The following BRWD3 variants were observed in gnomAD, a reference collection of about 807,000 sequenced individuals.
The protein encoded by BRWD3 is bromodomain and WD repeat-containing protein 3.
Under a neutral mutation model 149.7 loss-of-function variants are expected in BRWD3, and 10 were observed. That is an observed-to-expected ratio of 0.07 (90% CI 0.04 to 0.11). The LOEUF (loss-of-function observed/expected upper bound fraction) is 0.11. Ranked by LOEUF, BRWD3 falls within the 10% of genes least tolerant of loss-of-function variation. The probability of loss-of-function intolerance (pLI) is 1.00; values close to 1 mark genes in which losing one functional copy is unlikely to be tolerated. For synonymous variants in BRWD3, 504 were observed against 456.7 expected, an observed-to-expected ratio of 1.10 and a Z score of -1.32; for missense variants, 940 against 1,373.2, an observed-to-expected ratio of 0.68 and a Z score of 4.99.
rs1311060002 is a variant in BRWD3, at chrX:80,671,096, G to A, written c.*5513C>T. ...GAATTAAAGCACCATTTACAATGTA[G>A]GTAATCTTACTATACATTTTAAAAT... is the stretch of plus-strand genomic sequence containing the variant. On this transcript the variant is annotated 3_prime_UTR_variant, in exon 41 of 41. Transcript: ENST00000373275. 2.7e-5 allele frequency: 3 copies of A among 111,016 alleles called. No homozygotes were observed. Among genetic ancestry groups the A allele is most frequent in the Non-Finnish European group, 3.8e-5 (2 of 53,014 alleles). The allele number at this position is 111,016 out of a possible 1,213,427, so 9.1% of individuals were successfully genotyped here. A position where few individuals can be genotyped will look rare whatever the true frequency, so the allele number is the denominator to read the frequency against.
chrX:80,772,139 A>C (rs1384627319), intron 6 of BRWD3, among the ~76,000 whole-genome samples: 2 of 112,132 alleles, frequency 1.8e-5, no homozygotes, highest in African/African-American at 6.5e-5. Context: ...AAGGATTATA[A>C]ATCATGCTAC....
intron 9 of BRWD3, among the ~76,000 whole-genome samples, chrX:80,735,468 T>C (rs2073389841): frequency 1.8e-5 from 2 of 111,543 alleles, no homozygotes; most frequent in Admixed American, 1.9e-4. Flanking sequence ...AAGTAAGAAA[T>C]GAAACAAATA....
Position 80,793,656 on chromosome X carries a change from A to C in BRWD3, c.297T>G (p.Gly99=). Residue 99 remains glycine, a synonymous_variant, in exon 5 of 41, where the codon GGT becomes GGG. Coordinates refer to ENST00000373275, the MANE Select transcript of BRWD3 (RefSeq NM_153252.5). ...CCCGTAGCAGAGACTGCCGACCAAC[A>C]CCTAATAATGTCTGTACCCCAGGAA... is the stretch of plus-strand genomic sequence containing the variant. ...QSVPGVQTLL[G]VGRQSLLRDA... 2 of 1,210,006 alleles carry C rather than the reference A, an allele frequency of 1.7e-6. No homozygotes were observed. Among genetic ancestry groups the C allele is most frequent in the Non-Finnish European group, 2.2e-6 (2 of 894,515 alleles).
At chrX:80,710,327 A>T in intron 20 of BRWD3, 1 of 335,454 alleles carries the variant, frequency 3.0e-6, no homozygotes, top group South Asian at 3.4e-5. Context: ...TGCTGGTTAT[A>T]ATGATATGGG....
chrX:80,760,215 C>A (rs1602403230), intron 6 of BRWD3, among the ~76,000 whole-genome samples: 1 of 111,460 alleles, frequency 9.0e-6, no homozygotes, highest in African/African-American at 3.3e-5. Flanking sequence ...CACCTGCTAT[C>A]CATCATATTT....
chrX:80,741,439 T>G (rs763723219), intron 8 of BRWD3, among the ~76,000 whole-genome samples: 2 of 112,044 alleles, frequency 1.8e-5, no homozygotes, highest in East Asian at 2.8e-4. Context: ...ATGGGATGGC[T>G]GGGTCAAATG....
Position 80,692,989 on chromosome X carries a change from G to T in BRWD3, c.3214C>A (p.Pro1072Thr). ...CTATCAGGATACTCTGGTTGAAAAG[G>T]CTGCTGACTCTCCACAGTCCCAAAC... ...WWFGTVESQQ[P>T]FQPEYPDSSF... Residue 1072 changes from proline to threonine, a missense_variant, in exon 28 of 41, where the codon CCT (proline) becomes ACT (threonine). Pro to Thr is a conservative substitution (Grantham distance 38, BLOSUM62 -1). Around this residue, in one of 6 missense-constraint regions of BRWD3, gnomAD observed 158 missense variants for 284.0 expected, o/e 0.56. Transcript: ENST00000373275. 1 of 1,211,133 alleles carries T rather than the reference G, an allele frequency of 8.3e-7. No homozygotes were observed. The highest frequency in any genetic ancestry group is 1.1e-6 in the Non-Finnish European group (1 of 894,911).
At chrX:80,725,642 T>C (rs778257710) in intron 14 of BRWD3, among the ~76,000 whole-genome samples, 18 of 112,215 alleles carry the variant, frequency 1.6e-4, no homozygotes, top group Admixed American at 3.8e-4. Context: ...CTATATAACA[T>C]ATAACATGTT....
chrX:80,686,195 C>A (rs2072519511), intron 35 of BRWD3, among the ~76,000 whole-genome samples: 1 of 97,519 alleles, frequency 1.0e-5, no homozygotes, highest in Admixed American at 1.3e-4. Context: ...TGTTCTCACG[C>A]ATAGGTGGGA....
At chrX:80,747,446 C>A (rs1280414041) in intron 6 of BRWD3, among the ~76,000 whole-genome samples, 2 of 108,546 alleles carry the variant, frequency 1.8e-5, no homozygotes, top group African/African-American at 6.7e-5. Context: ...AAGAAACTGC[C>A]CCAGATTAAA....
chrX:80,708,106 G>T (rs888231866), intron 21 of BRWD3, among the ~76,000 whole-genome samples: 91 of 112,194 alleles, frequency 8.1e-4, no homozygotes, highest in Admixed American at 2.7e-3. Context: ...ATTTAAAAGG[G>T]AGCATCAGGT....
At chrX:80,696,968 A>C in intron 25 of BRWD3, 105 bp from the exon 26 acceptor site, 1 of 811,591 alleles carries the variant, frequency 1.2e-6, no homozygotes, top group Non-Finnish European at 1.8e-6. Flanking sequence ...AAATTCTCTA[A>C]ATGCCAGGCA....
At chrX:80,729,874 T>C in intron 13 of BRWD3, 42 bp downstream of exon 13, 2 of 884,106 alleles carry the variant, frequency 2.3e-6, no homozygotes, top group South Asian at 2.0e-5. Flanking sequence ...CAATGTAAAA[T>C]ATATCATGAG....
intron 6 of BRWD3, among the ~76,000 whole-genome samples, chrX:80,754,129 T>C (rs975525969): frequency 3.6e-5 from 4 of 112,335 alleles, no homozygotes; most frequent in Non-Finnish European, 7.5e-5. Flanking sequence ...TTTAACAATA[T>C]TGTTTTTTAC....
intron 10 of BRWD3, 117 bp from the exon 11 acceptor site, chrX:80,734,335 T>C (rs916196870): frequency 1.9e-6 from 1 of 513,731 alleles, no homozygotes; most frequent in Non-Finnish European, 3.4e-6. Flanking sequence ...AAACACAAGG[T>C]TGTCTTCTAA....
At chrX:80,737,518 TGA>T (rs1046987088) in intron 8 of BRWD3, among the ~76,000 whole-genome samples, 1 of 112,125 alleles carries the variant, frequency 8.9e-6, no homozygotes, top group African/African-American at 3.2e-5. Context: ...TTTTCATTTC[TGA>T]GATTGAGAAA....
At chrX:80,801,617 G>A (rs1385780027) in intron 4 of BRWD3, among the ~76,000 whole-genome samples, 1 of 109,540 alleles carries the variant, frequency 9.1e-6, no homozygotes, top group East Asian at 3.0e-4. Context: ...TAGGTGGGCT[G>A]ATCACTTGAG....
At chrX:80,770,262 T>A (rs1179250643) in intron 6 of BRWD3, among the ~76,000 whole-genome samples, 2 of 111,381 alleles carry the variant, frequency 1.8e-5, no homozygotes, top group East Asian at 5.6e-4. Flanking sequence ...GAGGCCAACA[T>A]CAGCTTGATA....
At chrX:80,750,857 TACACACACACACAC>T (rs59394410) in intron 6 of BRWD3, among the ~76,000 whole-genome samples, 47 of 93,948 alleles carry the variant, frequency 5.0e-4, no homozygotes, top group Non-Finnish European at 8.0e-4. Context: ...ATGTGTTTTA[TACACACACACACAC>T]ACACACACAC....
Sources: allele counts gnomAD v4.1 joint callset (sites outside exome capture counted in the v4.1 genomes callset), GRCh38; gene constraint gnomAD v4.1.1; regional missense constraint gnomAD v4.1.1; transcripts MANE v1.5; gene names NCBI Gene and HGNC (gene_info 2026-07-23, HGNC 2026-07-21).